The following ABCA13 variants were observed in gnomAD, a reference collection of about 807,000 sequenced individuals.
ABCA13 encodes the protein ATP-binding cassette sub-family A member 13.
In ABCA13, 476 loss-of-function variants were observed where a neutral mutation model predicts 478.7. That is an observed-to-expected ratio of 0.99 (90% confidence interval 0.92 to 1.07). The LOEUF is 1.07. Among genes scored for constraint, ABCA13 ranks in the 50% least tolerant of loss-of-function variants. ABCA13 has a pLI of 0.00. For synonymous variants in ABCA13, 2,252 were observed against 2,158.9 expected (o/e 1.04, Z -1.20); for missense variants, 6,060 against 5,910.6 (o/e 1.03, Z -0.83).
At chr7:48,359,416 T>C (rs530395723) in intron 31 of ABCA13, among the ~76,000 whole-genome samples, 1 of 152,078 alleles carries the variant, frequency 6.6e-6, no homozygotes, top group East Asian at 1.9e-4. Flanking sequence ...GGCTGTGTTG[T>C]GCGGAAGGCA....
At chr7:48,484,543 C>T (rs1303429487) in intron 47 of ABCA13, among the ~76,000 whole-genome samples, 1 of 152,208 alleles carries the variant, frequency 6.6e-6, no homozygotes, top group Non-Finnish European at 1.5e-5. Context: ...CTAAACCCTT[C>T]TTACGTATTC....
At chr7:48,248,202 T>G in intron 13 of ABCA13, 37 bp from the exon 14 acceptor site, 1 of 1,516,770 alleles carries the variant, frequency 6.6e-7, no homozygotes, top group Non-Finnish European at 9.0e-7. Context: ...CTGAATTGCT[T>G]TATTTATTAT....
chr7:48,484,890 A>G (rs749231125), intron 47 of ABCA13, among the ~76,000 whole-genome samples: 7 of 152,184 alleles, frequency 4.6e-5, no homozygotes, highest in African/African-American at 7.2e-5. Context: ...TACTGCTTCA[A>G]ATGATTGCAT....
chr7:48,404,630 G>C (rs949096245), intron 39 of ABCA13: 13 of 152,348 alleles, frequency 8.5e-5, no homozygotes, highest in African/African-American at 2.9e-4. Context: ...CATTTCCCTG[G>C]AGGTGAACTA....
intron 38 of ABCA13, among the ~76,000 whole-genome samples, chr7:48,401,200 C>A (rs1311632668): frequency 2.0e-5 from 3 of 152,118 alleles, no homozygotes; most frequent in Non-Finnish European, 4.4e-5. Flanking sequence ...TTTATACACA[C>A]AAAGCACTTA....
At chr7:48,578,322 C>T (rs1371118777) in intron 55 of ABCA13, among the ~76,000 whole-genome samples, 3 of 151,904 alleles carry the variant, frequency 2.0e-5, no homozygotes, top group Non-Finnish European at 4.4e-5. Context: ...GTAGAAACTC[C>T]CAAAGAATTG....
rs1204740730 is a variant in ABCA13, at chr7:48,273,910, G to A, written c.4244G>A (p.Gly1415Asp). The A allele has an allele frequency of 1.2e-6, 2 of 1,612,762 alleles. No individual in the cohort carries two copies. The highest frequency in any genetic ancestry group is 1.7e-5 in the Admixed American group (1 of 59,896). The change falls in exon 17 of 62, where the codon GGT becomes GAT. Residue 1415 changes from glycine to aspartate, a missense_variant. Around this residue, in one of 3 missense-constraint regions of ABCA13, gnomAD observed 4,423 missense variants for 4,309.1 expected, o/e 1.03. Coordinates refer to ENST00000435803, the MANE Select transcript of ABCA13 (RefSeq NM_152701.5). The part of the protein sequence containing the change: ...YLLSNSSFSQ[G>D]HLQNILGNFR... ...TTGTCTAACTCCAGTTTTTCACAAG[G>A]TCATCTTCAAAATATTTTGGGGAAT...
intron 48 of ABCA13, among the ~76,000 whole-genome samples, chr7:48,501,129 C>T (rs1000980091): frequency 6.6e-6 from 1 of 152,062 alleles, no homozygotes; most frequent in South Asian, 2.1e-4. Context: ...CAGGGGCAGG[C>T]TGTTGTCTTA....
At position 48,227,339 on chromosome 7, in the gene ABCA13, A is replaced by G; in HGVS notation, c.546A>G (p.Leu182=). 4 of 1,591,560 alleles carry G rather than the reference A, an allele frequency of 2.5e-6. No individual in the cohort carries two copies. Among genetic ancestry groups the G allele is most frequent in the Non-Finnish European group, 3.4e-6 (4 of 1,170,016 alleles). Residue 182 remains leucine, a synonymous_variant, in exon 6 of 62, where the codon CTA becomes CTG. Coordinates refer to ENST00000435803, the MANE Select transcript of ABCA13 (RefSeq NM_152701.5). The stretch of plus-strand genomic sequence containing the variant: ...AGCAGCCTCATATCTGGGATTTTCT[A>G]CTTTTACTGCCGAGACTACACACAA... The part of the protein sequence containing the change: ...LHQQPHIWDF[L]LLLPRLHTSH...
intron 31 of ABCA13, among the ~76,000 whole-genome samples, chr7:48,359,200 A>C (rs1810432708): frequency 6.6e-6 from 1 of 151,844 alleles, no homozygotes; most frequent in African/African-American, 2.4e-5. Flanking sequence ...GGCACTGTGA[A>C]TGGGTGGGAT....
At chr7:48,425,812 C>T (rs1186160929) in intron 41 of ABCA13, among the ~76,000 whole-genome samples, 6 of 152,092 alleles carry the variant, frequency 3.9e-5, no homozygotes, top group African/African-American at 1.4e-4. Flanking sequence ...GCAATCTCGG[C>T]TCACTGCAGG....
chr7:48,512,787 G>T (rs1183681399), intron 51 of ABCA13, among the ~76,000 whole-genome samples: 3 of 152,096 alleles, frequency 2.0e-5, no homozygotes, highest in African/African-American at 7.2e-5. Context: ...ATTTTTCAAA[G>T]AATTTCTGGA....
rs529967595 is a variant in ABCA13, at chr7:48,295,850, C to G, written c.9106C>G (p.Gln3036Glu). The change falls in exon 21 of 62, where the codon CAG (glutamine) becomes GAG (glutamate). Residue 3036 changes from glutamine to glutamate, a missense_variant. Transcript: ENST00000435803. ...TSQPRLETVQ[Q>E]HLYMLAKSLE... ...CCAGCCGAGGCTGGAGACGGTGCAGCAGCACTTGTACATGTATGCTCTGAT... is the reference window on the plus strand; with the variant it reads ...CCAGCCGAGGCTGGAGACGGTGCAGGAGCACTTGTACATGTATGCTCTGAT... 6.2e-7 allele frequency: 1 copy of G among 1,612,134 alleles called. No homozygotes were observed. The highest frequency in any genetic ancestry group is 2.2e-5 in the East Asian group (1 of 44,850).
intron 29 of ABCA13, among the ~76,000 whole-genome samples, chr7:48,348,301 C>T (rs1248589283): frequency 2.0e-5 from 3 of 152,216 alleles, no homozygotes; most frequent in Admixed American, 6.5e-5. Flanking sequence ...ACTCATGACA[C>T]TCTGAGGCAG....
At chr7:48,267,504 T>C (rs1169652053) in intron 15 of ABCA13, among the ~76,000 whole-genome samples, 1 of 152,158 alleles carries the variant, frequency 6.6e-6, no homozygotes, top group African/African-American at 2.4e-5. Context: ...TTGTAACTTA[T>C]GTCCTTATAT....
At chr7:48,250,074 A>G (rs886066565) in intron 15 of ABCA13, among the ~76,000 whole-genome samples, 1 of 152,216 alleles carries the variant, frequency 6.6e-6, no homozygotes, top group African/African-American at 2.4e-5. Context: ...ATTTGCTGGT[A>G]CAAGTCACAG....
At chr7:48,368,001 T>A in intron 32 of ABCA13, 93 bp downstream of exon 32, 1 of 935,482 alleles carries the variant, frequency 1.1e-6, no homozygotes, top group Non-Finnish European at 1.6e-6. Flanking sequence ...TGAGCCTCTC[T>A]GTTTTGCTTC....
intron 38 of ABCA13, among the ~76,000 whole-genome samples, chr7:48,395,473 C>T (rs1251567316): frequency 6.6e-6 from 1 of 152,188 alleles, no homozygotes; most frequent in Non-Finnish European, 1.5e-5. Context: ...CAGGTTTGAA[C>T]CCTGCAGGTC....
At position 48,580,376 on chromosome 7, in the gene ABCA13, T is replaced by C; in HGVS notation, c.14505+2T>C. On this transcript the variant is annotated splice_donor_variant, in intron 56 of 61. Coordinates refer to ENST00000435803, the MANE Select transcript of ABCA13 (RefSeq NM_152701.5). LOFTEE classifies it high-confidence loss of function. ...ATTCCAAGGCAGTGCATCCCTGAGG[T>C]AAATCTCCCTGGGGTCTTCTAGATA... The C allele has an allele frequency of 6.2e-7, 1 of 1,610,368 alleles. No homozygotes were observed. Among genetic ancestry groups the C allele is most frequent in the Non-Finnish European group, 8.5e-7 (1 of 1,178,288 alleles).
Sources: allele counts gnomAD v4.1 joint callset (sites outside exome capture counted in the v4.1 genomes callset), GRCh38; gene constraint gnomAD v4.1.1; regional missense constraint gnomAD v4.1.1; transcripts MANE v1.5; gene names NCBI Gene and HGNC (gene_info 2026-07-23, HGNC 2026-07-21).